SIX4: variants seen among roughly 807,000 people sequenced by gnomAD.
The protein encoded by SIX4 is SIX homeobox 4.
SIX4 carries 23 observed loss-of-function variants against 51.5 expected under a neutral mutation model. That is an observed-to-expected ratio of 0.45 (90% CI 0.32 to 0.63). The LOEUF is 0.63. Ranked by LOEUF, SIX4 falls within the 30% of genes least tolerant of loss-of-function variation. SIX4 has a pLI of 0.04. For synonymous variants in SIX4, 413 were observed against 417.3 expected (o/e 0.99, Z 0.13); for missense variants, 867 against 984.0 (o/e 0.88, Z 1.59).
rs536966551 is a variant in SIX4 at position 60,722,649 on chromosome 14, T to C, written c.863+563A>G. On this transcript the variant is annotated intron_variant, in intron 1 of 2. Coordinates refer to ENST00000216513, the MANE Select transcript of SIX4 (RefSeq NM_017420.5). This position sits in a 1 kb window ranked among gnomAD's most constrained non-coding sequence, Gnocchi z 5.9. ...TCCGAGACCCCTTCTGCGCCGCCAGTCCCACAACACTCTCTTCCCTTCACC... is the reference window on the plus strand; with the variant it reads ...TCCGAGACCCCTTCTGCGCCGCCAGCCCCACAACACTCTCTTCCCTTCACC... Among the ~76,000 whole-genome samples the C allele has an allele frequency of 2.1e-3, 319 of 151,838 alleles. 2 individuals carry two copies. Among genetic ancestry groups the C allele is most frequent in the African/African-American group, 6.9e-3 (287 of 41,414 alleles).
chr14:60,723,220 C>A lies in SIX4; in HGVS notation c.855G>T (p.Gln285His), dbSNP rs746439285. Residue 285 changes from glutamine to histidine, a missense_variant, in exon 1 of 3, where the codon CAG becomes CAT. Physicochemically the swap from Gln to His is conservative, Grantham distance 24 (BLOSUM62 0). Coordinates refer to ENST00000216513, the MANE Select transcript of SIX4 (RefSeq NM_017420.5). ...RQRDRNPSET[Q>H]SKSESDGNPS... Reference sequence around the variant, plus strand: ...GGAAAGTTGGCGCTCACCTTTTGGACTGGGTCTCGGAGGGGTTCCTGTCGC... The same window carrying A: ...GGAAAGTTGGCGCTCACCTTTTGGAATGGGTCTCGGAGGGGTTCCTGTCGC... 6 of 1,609,350 alleles carry A rather than the reference C, an allele frequency of 3.7e-6. No homozygotes were observed. Among genetic ancestry groups the A allele is most frequent in the Non-Finnish European group, 5.1e-6 (6 of 1,178,276 alleles).
chr14:60,715,037 T>C (rs1288185489), intron 2 of SIX4, among the ~76,000 whole-genome samples: 1 of 151,702 alleles, frequency 6.6e-6, no homozygotes, highest in Non-Finnish European at 1.5e-5. Context: ...CACGGGTATA[T>C]TGAGTAATGG....
intron 1 of SIX4, among the ~76,000 whole-genome samples, chr14:60,721,506 A>C (rs1346978412): frequency 1.3e-5 from 2 of 152,142 alleles, no homozygotes; most frequent in African/African-American, 4.8e-5. Flanking sequence ...TTTGATTTAC[A>C]AGCTGAGGCT....
At position 60,720,279 on chromosome 14, in the gene SIX4, T is replaced by A. The variant is rs777521150; in HGVS notation, c.1030A>T (p.Ser344Cys). Residue 344 changes from serine (S) to cysteine (C), a missense_variant, in exon 2 of 3, where the codon AGC (serine) becomes TGC (cysteine). Transcript: ENST00000216513. This position sits in a 1 kb window ranked among gnomAD's most constrained non-coding sequence, Gnocchi z 5.5. ...CCATTCAACAGAACTCCAGAAGAGCTTAATGATATCTTAGCATTTCCAATT... is the reference window on the plus strand; with the variant it reads ...CCATTCAACAGAACTCCAGAAGAGCATAATGATATCTTAGCATTTCCAATT... The part of the protein sequence containing the change: ...QQIGNAKISL[S>C]SSGVLLNGSL... 6.2e-7 allele frequency: 1 copy of A among 1,614,210 alleles called. No individual in the cohort carries two copies. The highest frequency in any genetic ancestry group is 8.5e-7 in the Non-Finnish European group (1 of 1,180,050).
rs532098391 is a variant in SIX4 at position 60,718,016 on chromosome 14, T to A, written c.1549+1744A>T. 1.0e-4 allele frequency: 19 copies of A among 181,496 alleles called. No homozygotes were observed. In the South Asian group the frequency reaches 1.5e-3, roughly 14 times the overall value. 11.2% of individuals were successfully genotyped at this position (181,496 alleles called of 1,614,324 possible). A position where few individuals can be genotyped will look rare whatever the true frequency, so the allele number is the denominator to read the frequency against. ...GACAAAATGAGTCTCCGCCTAAAAA[T>A]AATAATAATAATAATAATAATAATC... On this transcript the variant is annotated intron_variant, in intron 2 of 2. Transcript: ENST00000216513.
chr14:60,722,831 T>C lies in SIX4; in HGVS notation c.863+381A>G, dbSNP rs919842692. On this transcript the variant is annotated intron_variant, in intron 1 of 2. Transcript: ENST00000216513. The surrounding 1 kb of genome is among the most constrained non-coding windows in gnomAD (Gnocchi z 5.9). ...GCGGGCCTCGGGCGGCAGGGAGAGC[T>C]ACGGTGCCGGTGTCCACATTTGCTT... Among the ~76,000 whole-genome samples, 7 of 151,380 alleles carry C rather than the reference T, an allele frequency of 4.6e-5. No homozygotes were observed. The highest frequency in any genetic ancestry group is 5.9e-5 in the Non-Finnish European group (4 of 67,890).
chr14:60,714,717 G>A (rs1053066969), intron 2 of SIX4, among the ~76,000 whole-genome samples: 1 of 150,944 alleles, frequency 6.6e-6, no homozygotes, highest in African/African-American at 2.4e-5. Context: ...CCAGGCTGGA[G>A]TGCAGTGGAG....
chr14:60,710,888 G>T lies in SIX4; in HGVS notation c.*2519C>A, dbSNP rs1895807335. The T allele has an allele frequency of 6.6e-6, 1 of 152,378 alleles. No individual in the cohort carries two copies. Among genetic ancestry groups the T allele is most frequent in the African/African-American group, 2.4e-5 (1 of 41,386 alleles). 9.4% of individuals were successfully genotyped at this position (152,378 alleles called of 1,614,324 possible). ...TTACATCATGGTGGGAATATGAATG[G>T]GTTTCCTAGGTAAGTCTTAAGTTTT... On this transcript the variant is annotated 3_prime_UTR_variant, in exon 3 of 3. Transcript: ENST00000216513.
chr14:60,721,188 A>T (rs1310075856), intron 1 of SIX4: 2 of 979,762 alleles, frequency 2.0e-6, no homozygotes, highest in African/African-American at 3.5e-5. Flanking sequence ...AGGCCTTCTA[A>T]CTATTAGACC....
In SIX4 at chr14:60,719,690, C is replaced by G. The variant is rs1031227064; in HGVS notation, c.1549+70G>C. ...AGAAACATCAATCTATAGCTATCAC[C>G]AAATGCGTCACTTACAGCAGCTGAT... On this transcript the variant is annotated intron_variant, in intron 2 of 2. Transcript: ENST00000216513. This position sits in a 1 kb window ranked among gnomAD's most constrained non-coding sequence, Gnocchi z 4.9. The G allele has an allele frequency of 6.7e-6, 10 of 1,488,710 alleles. No homozygotes were observed. Among genetic ancestry groups the G allele is most frequent in the Non-Finnish European group, 9.2e-6 (10 of 1,090,362 alleles). The allele number at this position is 1,488,710 out of a possible 1,614,324, so 92.2% of individuals were successfully genotyped here.
In SIX4 at chr14:60,724,318, A is replaced by C; in HGVS notation, c.-244T>G. The C allele has an allele frequency of 7.3e-5, 106 of 1,450,422 alleles. No homozygotes were observed. Among genetic ancestry groups the C allele is most frequent in the East Asian group, 5.1e-4 (17 of 33,600 alleles). 89.8% of individuals were successfully genotyped at this position (1,450,422 alleles called of 1,614,324 possible). ...ATAGCTGCTTTCTGCCGTTCCCCCA[A>C]CGTGACTCCTCCGGTTGCTGCATAC... On this transcript the variant is annotated 5_prime_UTR_variant, in exon 1 of 3. Coordinates refer to ENST00000216513, the MANE Select transcript of SIX4 (RefSeq NM_017420.5).
chr14:60,716,979 ATTTC>A (rs1895931099), intron 2 of SIX4, among the ~76,000 whole-genome samples: 1 of 152,242 alleles, frequency 6.6e-6, no homozygotes, highest in South Asian at 2.1e-4. Flanking sequence ...ATTCTCTTAC[ATTTC>A]TGTTTCAGAC....
rs1359425619 is a variant in SIX4 at position 60,722,582 on chromosome 14, G to A, written c.863+630C>T. On this transcript the variant is annotated intron_variant, in intron 1 of 2. Coordinates refer to ENST00000216513, the MANE Select transcript of SIX4 (RefSeq NM_017420.5). This position sits in a 1 kb window ranked among gnomAD's most constrained non-coding sequence, Gnocchi z 5.9. The stretch of plus-strand genomic sequence containing the variant: ...CCGCGGCCGCTAAGGGAACCATAGG[G>A]GCAGGGTGAATGATTAACTCTGTCA... Among the ~76,000 whole-genome samples, 1 of 152,186 alleles carries A rather than the reference G, an allele frequency of 6.6e-6. No homozygotes were observed. The highest frequency in any genetic ancestry group is 1.5e-5 in the Non-Finnish European group (1 of 68,022).
intron 2 of SIX4, chr14:60,718,010 TA>T: frequency 4.3e-6 from 1 of 233,120 alleles, no homozygotes. Context: ...AGTCTCCGCC[TA>T]AAAATAATAA....
chr14:60,714,350 C>G (rs1895879746), intron 2 of SIX4, 147 bp from the exon 3 acceptor site: 1 of 660,464 alleles, frequency 1.5e-6, no homozygotes, highest in African/African-American at 1.8e-5. Context: ...TCAGAATTAC[C>G]TTGGGCACCT....
rs150856755 is a variant in SIX4, at chr14:60,722,050, G to C, written c.863+1162C>G. Among the ~76,000 whole-genome samples the C allele has an allele frequency of 6.6e-6, 1 of 152,182 alleles. No individual in the cohort carries two copies. Among genetic ancestry groups the C allele is most frequent in the Non-Finnish European group, 1.5e-5 (1 of 68,010 alleles). On this transcript the variant is annotated intron_variant, in intron 1 of 2. Transcript: ENST00000216513. This position sits in a 1 kb window ranked among gnomAD's most constrained non-coding sequence, Gnocchi z 5.9. The stretch of plus-strand genomic sequence containing the variant: ...CTGAGACCGGCTCTGGAATGCGCTG[G>C]TGATCACCTTCACCTGGCGCAGGCG...
chr14:60,723,847 C>A lies in SIX4; in HGVS notation c.228G>T (p.Ala76=), dbSNP rs1360292282. The A allele has an allele frequency of 6.6e-7, 1 of 1,513,776 alleles. No homozygotes were observed. Among genetic ancestry groups the A allele is most frequent in the Non-Finnish European group, 8.8e-7 (1 of 1,142,606 alleles). 93.8% of individuals were successfully genotyped at this position (1,513,776 alleles called of 1,614,324 possible). The change falls in exon 1 of 3, where the codon GCG becomes GCT. Residue 76 remains alanine, a synonymous_variant. Coordinates refer to ENST00000216513, the MANE Select transcript of SIX4 (RefSeq NM_017420.5). ...GTACCTGATCCGCCGCCGCTCCGGCCGCCGCCGCCGCCACTGCCCCTTCCT... is the reference window on the plus strand; with the variant it reads ...GTACCTGATCCGCCGCCGCTCCGGCAGCCGCCGCCGCCACTGCCCCTTCCT... ...SGEEGAVAAA[A]AGAAADQVQL...
rs375918934 is a variant in SIX4 at position 60,724,092 on chromosome 14, C to T, written c.-18G>A. Reference sequence around the variant, plus strand: ...GAGGACATTTTTTGTTGTTTATTTTCCTCCCTCCCTCACTCCCTCGCACTC... The same window carrying T: ...GAGGACATTTTTTGTTGTTTATTTTTCTCCCTCCCTCACTCCCTCGCACTC... On this transcript the variant is annotated 5_prime_UTR_variant, in exon 1 of 3. Coordinates refer to ENST00000216513, the MANE Select transcript of SIX4 (RefSeq NM_017420.5). 29 of 1,558,804 alleles carry T rather than the reference C, an allele frequency of 1.9e-5. No homozygotes were observed. In the African/African-American group the frequency reaches 3.4e-4, roughly 18 times the overall value.
At position 60,713,748 on chromosome 14, in the gene SIX4, G is replaced by A. The variant is rs150247816; in HGVS notation, c.2005C>T (p.Leu669Phe). The A allele has an allele frequency of 1.4e-5, 23 of 1,614,094 alleles. No homozygotes were observed. The East Asian group carries it at 4.9e-4, about 34-fold the overall frequency. Reference protein sequence around the residue: ...TNYATLQNCSLITGQDLLSVP... With the variant: ...TNYATLQNCSFITGQDLLSVP... ...GACAATAGGTCTTGACCAGTAATAA[G>A]GGAGCAGTTCTGAAGAGTTGCATAG... is the stretch of plus-strand genomic sequence containing the variant. The change falls in exon 3 of 3, where the codon CTT (leucine) becomes TTT (phenylalanine). Residue 669 changes from leucine (L) to phenylalanine (F), a missense_variant. Transcript: ENST00000216513.
Sources: gnomAD v4.1 joint callset for allele counts (sites outside exome capture counted in the v4.1 genomes callset) on GRCh38, gnomAD v4.1.1 for gene constraint, Gnocchi (gnomAD v3.1) non-coding constraint, MANE v1.5 for transcripts, NCBI Gene and HGNC (gene_info 2026-07-23, HGNC 2026-07-21) for gene names.